Variants in N4BP1 observed in about 807,000 individuals in gnomAD.
The protein encoded by N4BP1 is NEDD4 binding protein 1.
In N4BP1, 21 loss-of-function variants were observed where a neutral mutation model predicts 70.9. That is an observed-to-expected ratio of 0.30 (90% CI 0.21 to 0.43). The LOEUF is 0.43. Among genes scored for constraint, N4BP1 ranks in the 20% least tolerant of loss-of-function variants. The probability of loss-of-function intolerance (pLI) is 1.00; values close to 1 mark genes in which losing one functional copy is unlikely to be tolerated. For synonymous variants in N4BP1, 387 were observed against 394.6 expected, an observed-to-expected ratio of 0.98 and a Z score of 0.23; for missense variants, 936 against 1,069.4, an observed-to-expected ratio of 0.88 and a Z score of 1.74.
At chr16:48,549,567 G>C (rs919702809) in intron 4 of N4BP1, among the ~76,000 whole-genome samples, 1 of 152,242 alleles carries the variant, frequency 6.6e-6, no homozygotes, top group Admixed American at 6.5e-5. Flanking sequence ...GAGCAGAAGT[G>C]TCCTTCCATT....
intron 1 of N4BP1, among the ~76,000 whole-genome samples, chr16:48,592,079 G>A (rs772952873): frequency 6.6e-6 from 1 of 152,122 alleles, no homozygotes; most frequent in Non-Finnish European, 1.5e-5. Flanking sequence ...AAGGTAAGGA[G>A]GAAAAATCCC....
In N4BP1 at chr16:48,609,990, G is replaced by C. The variant is rs1964659941; in HGVS notation, c.-18C>G. 1 of 1,180,184 alleles carries C rather than the reference G, an allele frequency of 8.5e-7. No individual in the cohort carries two copies. The highest frequency in any genetic ancestry group is 1.6e-5 in the African/African-American group (1 of 62,246). 73.1% of individuals were successfully genotyped at this position (1,180,184 alleles called of 1,614,324 possible). A position where few individuals can be genotyped will look rare whatever the true frequency, so the allele number is the denominator to read the frequency against. ...GCCGCCATGGCGGGCGCGGCCTCCCGCGGCGGCGCCGGGGGCCGGCGGCGG... is the reference window on the plus strand; with the variant it reads ...GCCGCCATGGCGGGCGCGGCCTCCCCCGGCGGCGCCGGGGGCCGGCGGCGG... On this transcript the variant is annotated 5_prime_UTR_variant, in exon 1 of 7. Transcript: ENST00000262384.
chr16:48,580,518 T>C (rs1033757156), intron 1 of N4BP1, among the ~76,000 whole-genome samples: 29 of 152,124 alleles, frequency 1.9e-4, no homozygotes, highest in South Asian at 2.1e-4. Flanking sequence ...AGAACTAATG[T>C]CAATTCTTCT....
At chr16:48,598,435 A>C (rs909325255) in intron 1 of N4BP1, among the ~76,000 whole-genome samples, 3 of 152,192 alleles carry the variant, frequency 2.0e-5, no homozygotes, top group African/African-American at 7.2e-5. Flanking sequence ...TGAGTAAAAA[A>C]ATCATTGATA....
At chr16:48,569,314 T>C (rs996814408) in intron 1 of N4BP1, among the ~76,000 whole-genome samples, 2 of 152,260 alleles carry the variant, frequency 1.3e-5, no homozygotes, top group African/African-American at 2.4e-5. Context: ...CGTAATTAGA[T>C]TCAGGCTGCA....
Position 48,561,241 on chromosome 16 carries a change from T to A in N4BP1, c.1402A>T (p.Ile468Leu). The change falls in exon 2 of 7, where the codon ATA becomes TTA. Residue 468 changes from isoleucine (I) to leucine (L), a missense_variant. Around this residue, in one of 4 missense-constraint regions of N4BP1, gnomAD observed 515 missense variants for 491.7 expected, o/e 1.05. Coordinates refer to ENST00000262384, the MANE Select transcript of N4BP1 (RefSeq NM_153029.4). ...CCCCAGACTTCATGTTTCTGTTCTA[T>A]TGGCACTGTTCTGAAAGTATTAATT... ...CRINTFRTVP[I>L]EQKHEVWGSN... 1.2e-6 allele frequency: 2 copies of A among 1,614,036 alleles called. No individual in the cohort carries two copies.
chr16:48,584,366 C>T (rs1393192541), intron 1 of N4BP1, among the ~76,000 whole-genome samples: 2 of 152,198 alleles, frequency 1.3e-5, no homozygotes, highest in Non-Finnish European at 2.9e-5. Context: ...GTGATTCAGA[C>T]TGTTGAAGCT....
intron 1 of N4BP1, among the ~76,000 whole-genome samples, chr16:48,595,934 T>G (rs1339586443): frequency 6.6e-6 from 1 of 152,206 alleles, no homozygotes; most frequent in Non-Finnish European, 1.5e-5. Flanking sequence ...TCTGAGGGTA[T>G]AAACCCATGG....
At chr16:48,595,635 T>G (rs867375113) in intron 1 of N4BP1, among the ~76,000 whole-genome samples, 4 of 152,196 alleles carry the variant, frequency 2.6e-5, no homozygotes, top group African/African-American at 9.7e-5. Context: ...GTTATTTACA[T>G]AAGTGCAATA....
intron 1 of N4BP1, among the ~76,000 whole-genome samples, chr16:48,601,818 T>G (rs80183426): frequency 0.014 from 2,091 of 152,272 alleles, 47 homozygotes; most frequent in African/African-American, 0.048. Context: ...TCAAGCAATC[T>G]TAATGCCTCA....
At chr16:48,544,255 G>A (rs1395205057) in intron 6 of N4BP1, among the ~76,000 whole-genome samples, 2 of 152,184 alleles carry the variant, frequency 1.3e-5, no homozygotes, top group Non-Finnish European at 2.9e-5. Flanking sequence ...TGATTCACAA[G>A]ACCAGGGAGT....
Position 48,561,240 on chromosome 16 carries a change from A to G in N4BP1, c.1403T>C (p.Ile468Thr). 6.2e-7 allele frequency: 1 copy of G among 1,613,964 alleles called. No homozygotes were observed. The stretch of plus-strand genomic sequence containing the variant: ...ACCCCAGACTTCATGTTTCTGTTCT[A>G]TTGGCACTGTTCTGAAAGTATTAAT... ...CRINTFRTVP[I>T]EQKHEVWGSN... Residue 468 changes from isoleucine to threonine, a missense_variant, in exon 2 of 7, where the codon ATA (isoleucine) becomes ACA (threonine). Around this residue, in one of 4 missense-constraint regions of N4BP1, gnomAD observed 515 missense variants for 491.7 expected, o/e 1.05. Coordinates refer to ENST00000262384, the MANE Select transcript of N4BP1 (RefSeq NM_153029.4).
intron 5 of N4BP1, 23 bp downstream of exon 5, chr16:48,547,984 A>G: frequency 1.4e-6 from 2 of 1,441,452 alleles, no homozygotes; most frequent in Non-Finnish European, 1.9e-6. Flanking sequence ...TTTTCTGACC[A>G]AAGACAAAGA....
At chr16:48,557,292 A>G (rs1036547772) in intron 2 of N4BP1, among the ~76,000 whole-genome samples, 12 of 152,224 alleles carry the variant, frequency 7.9e-5, no homozygotes, top group African/African-American at 2.9e-4. Flanking sequence ...AGTGCTATGC[A>G]ACCCAAGACT....
rs758560380 is a variant in N4BP1, at chr16:48,540,095, G to A, written c.*2809C>T. On this transcript the variant is annotated 3_prime_UTR_variant, in exon 7 of 7. Transcript: ENST00000262384. ...GATAAGTGGAAACACTGGGGAGGAA[G>A]GTGATGAACAGACGGAGGTGAGCCA... 1 of 152,430 alleles carries A rather than the reference G, an allele frequency of 6.6e-6. No homozygotes were observed. The highest frequency in any genetic ancestry group is 1.5e-5 in the Non-Finnish European group (1 of 68,138). The allele number at this position is 152,430 out of a possible 1,614,324, so 9.4% of individuals were successfully genotyped here.
chr16:48,555,892 C>T (rs1963744229), intron 2 of N4BP1, among the ~76,000 whole-genome samples: 1 of 152,142 alleles, frequency 6.6e-6, no homozygotes, highest in South Asian at 2.1e-4. Flanking sequence ...AAGGTGGCTC[C>T]CTGATTACTT....
At chr16:48,548,742 A>T (rs1478115786) in intron 4 of N4BP1, among the ~76,000 whole-genome samples, 1 of 150,328 alleles carries the variant, frequency 6.7e-6, no homozygotes, top group Non-Finnish European at 1.5e-5. Context: ...CAGGAGGCTG[A>T]GGTGGAGGAT....
chr16:48,573,482 A>T lies in N4BP1; in HGVS notation c.199-11038T>A, dbSNP rs11865973. Among the ~76,000 whole-genome samples, 544 of 152,236 alleles carry T rather than the reference A, an allele frequency of 3.6e-3. 2 individuals are homozygous for T. Among genetic ancestry groups the T allele is most frequent in the African/African-American group, 0.012 (507 of 41,532 alleles). ...GTGGCACACAACTGTAGTCCCAGCT[A>T]CTCAGGAGGCTGAGGCAGGAGAATC... On this transcript the variant is annotated intron_variant, in intron 1 of 6. Transcript: ENST00000262384.
chr16:48,566,503 T>A (rs1180486776), intron 1 of N4BP1, among the ~76,000 whole-genome samples: 2 of 152,248 alleles, frequency 1.3e-5, no homozygotes, highest in African/African-American at 4.8e-5. Flanking sequence ...ACTTAGTTTT[T>A]AAGTTTTTGA....
Sources: gnomAD v4.1 joint callset for allele counts (sites outside exome capture counted in the v4.1 genomes callset) on GRCh38, gnomAD v4.1.1 for gene constraint, gnomAD v4.1.1 regional missense constraint, MANE v1.5 for transcripts, NCBI Gene and HGNC (gene_info 2026-07-23, HGNC 2026-07-21) for gene names.